MAML2: variants seen among roughly 807,000 people sequenced by gnomAD.
MAML2 encodes mastermind-like protein 2.
In MAML2, 22 loss-of-function variants were observed where a neutral mutation model predicts 96.1. The observed-to-expected ratio is 0.23, with a 90% confidence interval of 0.16 to 0.33. The LOEUF (loss-of-function observed/expected upper bound fraction) is 0.33. Among genes scored for constraint, MAML2 ranks in the 10% least tolerant of loss-of-function variants. MAML2 has a pLI of 1.00. For synonymous variants in MAML2, 561 were observed against 521.3 expected, an observed-to-expected ratio of 1.08 and a Z score of -1.04; for missense variants, 1,367 against 1,392.4, an observed-to-expected ratio of 0.98 and a Z score of 0.29.
chr11:96,072,061 A>G (rs1454540359), intron 2 of MAML2, among the ~76,000 whole-genome samples: 1 of 152,218 alleles, frequency 6.6e-6, no homozygotes, highest in Non-Finnish European at 1.5e-5. Context: ...GGATGTAGAA[A>G]TGTACTTAAT....
At chr11:96,308,063 A>G (rs147896883) in intron 1 of MAML2, among the ~76,000 whole-genome samples, 18 of 152,290 alleles carry the variant, frequency 1.2e-4, no homozygotes, top group African/African-American at 4.3e-4. Context: ...CTTCTTTACA[A>G]TTCTAGACTC....
At chr11:96,269,076 A>G (rs562645569) in intron 1 of MAML2, among the ~76,000 whole-genome samples, 1 of 145,240 alleles carries the variant, frequency 6.9e-6, no homozygotes, top group African/African-American at 2.6e-5. Context: ...CACTTCATTC[A>G]TATACCATGG....
At chr11:96,072,133 T>C (rs111919860) in intron 2 of MAML2, among the ~76,000 whole-genome samples, 1 of 152,202 alleles carries the variant, frequency 6.6e-6, no homozygotes. Flanking sequence ...CTATAGAATA[T>C]CTCTAATTCC....
intron 2 of MAML2, among the ~76,000 whole-genome samples, chr11:96,017,732 C>G (rs1038649257): frequency 6.6e-6 from 1 of 151,880 alleles, no homozygotes; most frequent in African/African-American, 2.4e-5. Flanking sequence ...GATTTCAAGT[C>G]CTGAGTTCTT....
At chr11:96,094,819 A>G (rs1485799547) in intron 1 of MAML2, among the ~76,000 whole-genome samples, 2 of 152,226 alleles carry the variant, frequency 1.3e-5, no homozygotes, top group Non-Finnish European at 2.9e-5. Context: ...AGGCAAGAAA[A>G]CATTTCCTAG....
chr11:96,104,510 T>A (rs11021432), intron 1 of MAML2, among the ~76,000 whole-genome samples: 45,171 of 151,848 alleles, frequency 0.3, 7,363 homozygotes, highest in Middle Eastern at 0.43. Flanking sequence ...ACCCCACATT[T>A]CCTAGTAGAG....
intron 1 of MAML2, among the ~76,000 whole-genome samples, chr11:96,270,914 A>T (rs182766398): frequency 1.2e-4 from 19 of 152,298 alleles, no homozygotes; most frequent in African/African-American, 3.6e-4. Context: ...GTACCATCTA[A>T]TCAGCTGCCA....
chr11:96,203,582 TA>T (rs1487831260), intron 1 of MAML2, among the ~76,000 whole-genome samples: 1 of 152,194 alleles, frequency 6.6e-6, no homozygotes, highest in African/African-American at 2.4e-5. Context: ...AAGAAAAACA[TA>T]GTATCCTTTC....
intron 2 of MAML2, among the ~76,000 whole-genome samples, chr11:96,039,664 CGGCCGGGCGCGGT>C (rs1218061478): frequency 6.6e-6 from 1 of 151,120 alleles, no homozygotes; most frequent in East Asian, 2.0e-4. Context: ...AAGAGATCAT[CGGCCGGGCGCGGT>C]GGCTCACGCC....
At chr11:96,220,589 T>C (rs907801208) in intron 1 of MAML2, among the ~76,000 whole-genome samples, 3 of 152,254 alleles carry the variant, frequency 2.0e-5, no homozygotes, top group African/African-American at 7.2e-5. Context: ...TGCAAGTTGT[T>C]ACAAAATGCA....
chr11:96,251,478 A>G (rs1034101157), intron 1 of MAML2, among the ~76,000 whole-genome samples: 1 of 152,230 alleles, frequency 6.6e-6, no homozygotes, highest in South Asian at 2.1e-4. Context: ...ATTTTGGAAG[A>G]CAGAACTTAT....
At chr11:96,257,523 C>T (rs960857627) in intron 1 of MAML2, among the ~76,000 whole-genome samples, 2 of 152,216 alleles carry the variant, frequency 1.3e-5, no homozygotes, top group Non-Finnish European at 2.9e-5. Context: ...CTTGGAATTA[C>T]TTCCCTTTCA....
chr11:96,231,417 C>T (rs570774495), intron 1 of MAML2, among the ~76,000 whole-genome samples: 2 of 152,224 alleles, frequency 1.3e-5, no homozygotes, highest in Non-Finnish European at 2.9e-5. Context: ...CTGTAGCCTA[C>T]GCCATTAAGG....
intron 1 of MAML2, among the ~76,000 whole-genome samples, chr11:96,153,336 C>A (rs570170104): frequency 6.6e-6 from 1 of 152,096 alleles, no homozygotes; most frequent in African/African-American, 2.4e-5. Flanking sequence ...GCATGTGGTC[C>A]CTGGGGTCAA....
At chr11:96,280,388 G>A (rs1446677523) in intron 1 of MAML2, among the ~76,000 whole-genome samples, 1 of 152,184 alleles carries the variant, frequency 6.6e-6, no homozygotes, top group Non-Finnish European at 1.5e-5. Flanking sequence ...CCTGCTGGGT[G>A]AAAACGCAGG....
intron 2 of MAML2, among the ~76,000 whole-genome samples, chr11:96,023,403 C>T (rs758908618): frequency 6.6e-6 from 1 of 152,146 alleles, no homozygotes; most frequent in Non-Finnish European, 1.5e-5. Context: ...CCGAGCCCAG[C>T]CTTACCGCCT....
chr11:96,007,632 A>G (rs930935308), intron 2 of MAML2, among the ~76,000 whole-genome samples: 11 of 152,156 alleles, frequency 7.2e-5, no homozygotes, highest in African/African-American at 2.7e-4. Flanking sequence ...TAAGCCTGAT[A>G]GAAAGTAGAT....
chr11:96,174,453 G>A (rs371226239), intron 1 of MAML2, among the ~76,000 whole-genome samples: 3 of 152,196 alleles, frequency 2.0e-5, no homozygotes, highest in Non-Finnish European at 4.4e-5. Flanking sequence ...GCACAGTCTC[G>A]GGTCACTGCA....
At chr11:96,228,024 C>T (rs1267307739) in intron 1 of MAML2, among the ~76,000 whole-genome samples, 1 of 152,174 alleles carries the variant, frequency 6.6e-6, no homozygotes, top group Non-Finnish European at 1.5e-5. Context: ...ATCACTTGAA[C>T]CTGGGAGGCT....
Sources: gnomAD v4.1 joint callset for allele counts (sites outside exome capture counted in the v4.1 genomes callset) on GRCh38, gnomAD v4.1.1 for gene constraint, MANE v1.5 for transcripts, NCBI Gene and HGNC (gene_info 2026-07-23, HGNC 2026-07-21) for gene names.